Variants in GAB2 observed in about 807,000 individuals in gnomAD.
GAB2 encodes GRB2 associated binding protein 2.
GAB2 carries 26 observed loss-of-function variants against 65.5 expected under a neutral mutation model. The ratio of observed to expected loss-of-function variants is 0.40; its 90% CI spans 0.29 to 0.55. The LOEUF is 0.55. GAB2 is among the 20% of genes least tolerant of loss of function. The probability of loss-of-function intolerance (pLI) is 0.53; values close to 1 mark genes in which losing one functional copy is unlikely to be tolerated. For missense variants in GAB2, 884 were observed against 875.8 expected, an observed-to-expected ratio of 1.01 and a Z score of -0.12; for synonymous variants, 321 against 329.6, an observed-to-expected ratio of 0.97 and a Z score of 0.28.
rs79100596 is a variant in GAB2 at position 78,412,398 on chromosome 11, A to T, written c.75+5248T>A. Among the ~76,000 whole-genome samples, 108 of 152,188 alleles carry T rather than the reference A, an allele frequency of 7.1e-4. No individual in the cohort carries two copies. The East Asian group carries it at 0.016, about 23-fold the overall frequency. ...GAATCTCCAGAGAATTATGCTGAAT[A>T]AAAAAAAGTTCAAAATCTTAAGTAC... is the stretch of plus-strand genomic sequence containing the variant. On this transcript the variant is annotated intron_variant, in intron 1 of 9. Coordinates refer to ENST00000361507, the MANE Select transcript of GAB2 (RefSeq NM_080491.3).
At chr11:78,380,931 ATGT>A (rs773847252) in intron 1 of GAB2, among the ~76,000 whole-genome samples, 26 of 152,288 alleles carry the variant, frequency 1.7e-4, no homozygotes, top group Non-Finnish European at 2.5e-4. Context: ...TGTATGGGAA[ATGT>A]TGTAATCCTG....
intron 2 of GAB2, among the ~76,000 whole-genome samples, chr11:78,258,056 G>A (rs1032421860): frequency 1.3e-5 from 2 of 152,202 alleles, no homozygotes; most frequent in Non-Finnish European, 2.9e-5. Flanking sequence ...CCTACTGGCT[G>A]AGTGAATCTG....
At chr11:78,309,965 T>TGTGTGC (rs1855457386) in intron 1 of GAB2, among the ~76,000 whole-genome samples, 1 of 110,042 alleles carries the variant, frequency 9.1e-6, no homozygotes, top group African/African-American at 3.3e-5. Flanking sequence ...TGTGTGTGTG[T>TGTGTGC]GTGTGTGCGC....
chr11:78,343,000 A>C (rs1184910056), intron 1 of GAB2, among the ~76,000 whole-genome samples: 1 of 152,168 alleles, frequency 6.6e-6, no homozygotes, highest in Non-Finnish European at 1.5e-5. Context: ...ACAGAAGCTG[A>C]GATACAAGAC....
chr11:78,298,075 A>G (rs570131458), intron 1 of GAB2, among the ~76,000 whole-genome samples: 22 of 152,324 alleles, frequency 1.4e-4, no homozygotes, highest in African/African-American at 5.1e-4. Flanking sequence ...TTAAAATTCT[A>G]AAAGATCATT....
At chr11:78,250,493 C>T in intron 2 of GAB2, 93 bp from the exon 3 acceptor site, 1 of 1,158,692 alleles carries the variant, frequency 8.6e-7, no homozygotes, top group Middle Eastern at 2.0e-4. Context: ...AGAGTAAGAG[C>T]AGAGAAAATA....
intron 1 of GAB2, among the ~76,000 whole-genome samples, chr11:78,327,893 G>A (rs1245214935): frequency 6.6e-6 from 1 of 152,112 alleles, no homozygotes; most frequent in African/African-American, 2.4e-5. Flanking sequence ...TGAAGAAGTG[G>A]ATGTTAAAGA....
chr11:78,232,566 C>T (rs1864875200), intron 3 of GAB2, among the ~76,000 whole-genome samples: 1 of 152,162 alleles, frequency 6.6e-6, no homozygotes, highest in Admixed American at 6.5e-5. Flanking sequence ...TATTTTAGCT[C>T]AGTGGAAGAC....
intron 1 of GAB2, among the ~76,000 whole-genome samples, chr11:78,361,647 CA>C (rs1283960801): frequency 6.6e-6 from 1 of 152,138 alleles, no homozygotes; most frequent in African/African-American, 2.4e-5. Flanking sequence ...TGTTGACTTA[CA>C]AAAGGAATAC....
intron 1 of GAB2, among the ~76,000 whole-genome samples, chr11:78,386,667 T>C (rs1413370277): frequency 6.6e-6 from 1 of 152,154 alleles, no homozygotes. Flanking sequence ...TTATTGAGAA[T>C]GGCAAGGAGG....
intron 1 of GAB2, among the ~76,000 whole-genome samples, chr11:78,363,162 C>A (rs759060133): frequency 2.0e-5 from 3 of 152,166 alleles, no homozygotes; most frequent in Non-Finnish European, 2.9e-5. Flanking sequence ...TTAATCAGAA[C>A]GGAAAGACAT....
chr11:78,373,155 CAT>C (rs1381096406), intron 1 of GAB2, among the ~76,000 whole-genome samples: 1 of 151,540 alleles, frequency 6.6e-6, no homozygotes, highest in African/African-American at 2.4e-5. Flanking sequence ...AATAATTGTA[CAT>C]GTTTATGGAG....
intron 1 of GAB2, among the ~76,000 whole-genome samples, chr11:78,415,713 A>G (rs562100356): frequency 6.6e-6 from 1 of 152,190 alleles, no homozygotes; most frequent in East Asian, 1.9e-4. Context: ...GATTCGTTCA[A>G]ATCAGTGAAA....
In GAB2 at chr11:78,363,828, C is replaced by G. The variant is rs1351647292; in HGVS notation, c.75+53818G>C. ...CTCGAATTTCCAAGCACAAAATCCA[C>G]CCACCTCAGCCTCCCAAACTGCTGG... On this transcript the variant is annotated intron_variant, in intron 1 of 9. Coordinates refer to ENST00000361507, the MANE Select transcript of GAB2 (RefSeq NM_080491.3). Among the ~76,000 whole-genome samples the G allele has an allele frequency of 2.0e-5, 3 of 152,112 alleles. No homozygotes were observed. In the East Asian group the frequency reaches 5.8e-4, roughly 29 times the overall value.
rs141029459 is a variant in GAB2, at chr11:78,234,954, G to A, written c.621-7903C>T. Among the ~76,000 whole-genome samples the A allele has an allele frequency of 6.0e-3, 911 of 152,004 alleles. 24 individuals carry two copies. Among genetic ancestry groups the A allele is most frequent in the East Asian group, 0.047 (241 of 5,092 alleles). ...GAACCCAGGAGGCGAAGGTTGCAATGAGCTGAGATCATGCCACTGCATTCC... is the reference window on the plus strand; with the variant it reads ...GAACCCAGGAGGCGAAGGTTGCAATAAGCTGAGATCATGCCACTGCATTCC... On this transcript the variant is annotated intron_variant, in intron 3 of 9. Transcript: ENST00000361507.
chr11:78,307,557 A>G (rs545280207), intron 1 of GAB2, among the ~76,000 whole-genome samples: 2 of 149,326 alleles, frequency 1.3e-5, no homozygotes, highest in Non-Finnish European at 2.9e-5. Flanking sequence ...CAGGAGTTTG[A>G]GACCAGCATG....
intron 1 of GAB2, among the ~76,000 whole-genome samples, chr11:78,382,301 A>G (rs1856707631): frequency 6.6e-6 from 1 of 152,086 alleles, no homozygotes; most frequent in Admixed American, 6.6e-5. Flanking sequence ...CCCCAGTGAG[A>G]GGCATCCTGT....
intron 2 of GAB2, among the ~76,000 whole-genome samples, chr11:78,250,904 G>A (rs1335271224): frequency 1.3e-5 from 2 of 152,132 alleles, no homozygotes; most frequent in African/African-American, 2.4e-5. Context: ...TAAACACAGG[G>A]TGCACATGGA....
intron 1 of GAB2, among the ~76,000 whole-genome samples, chr11:78,402,816 A>G (rs1377053477): frequency 1.3e-5 from 2 of 152,088 alleles, no homozygotes; most frequent in African/African-American, 4.8e-5. Flanking sequence ...AATGAACTGC[A>G]TGCTTCTGCC....
Sources: gnomAD v4.1 joint callset for allele counts (sites outside exome capture counted in the v4.1 genomes callset) on GRCh38, gnomAD v4.1.1 for gene constraint, MANE v1.5 for transcripts, NCBI Gene and HGNC (gene_info 2026-07-23, HGNC 2026-07-21) for gene names.